CHST3: variants seen among roughly 807,000 people sequenced by gnomAD.
CHST3 encodes the protein C6ST-1.
A neutral mutation model predicts 35.4 loss-of-function variants in CHST3; 20 were observed. The ratio of observed to expected loss-of-function variants is 0.57; its 90% confidence interval spans 0.40 to 0.82. CHST3 has a LOEUF of 0.82. CHST3 is among the 40% of genes least tolerant of loss of function. The probability of loss-of-function intolerance (pLI) is 0.00; values close to 1 mark genes in which losing one functional copy is unlikely to be tolerated. For synonymous variants in CHST3, 334 were observed against 295.9 expected (o/e 1.13, Z -1.32); for missense variants, 693 against 670.1 (o/e 1.03, Z -0.38).
At chr10:71,978,258 C>T (rs534943616) in intron 1 of CHST3, among the ~76,000 whole-genome samples, 3 of 152,068 alleles carry the variant, frequency 2.0e-5, no homozygotes, top group African/African-American at 4.8e-5. Flanking sequence ...TCCAGCTACT[C>T]GGGAGGCTGA....
intron 1 of CHST3, among the ~76,000 whole-genome samples, chr10:71,969,008 G>A (rs968707087): frequency 1.3e-4 from 17 of 134,580 alleles, no homozygotes; most frequent in Admixed American, 9.2e-4. Context: ...ATTACCTGGG[G>A]AAATCAGCCT....
In CHST3 at chr10:72,007,489, A is replaced by G; in HGVS notation, c.458A>G (p.Asn153Ser). 1.2e-6 allele frequency: 2 copies of G among 1,602,340 alleles called. No homozygotes were observed. Among genetic ancestry groups the G allele is most frequent in the Non-Finnish European group, 1.7e-6 (2 of 1,179,770 alleles). ...TGSSFVGEFF[N>S]QQGNIFYLFE... ...TCCTCGTTCGTGGGCGAGTTCTTCA[A>G]CCAGCAGGGCAACATCTTCTACCTC... Residue 153 changes from asparagine to serine, a missense_variant, in exon 3 of 3, where the codon AAC becomes AGC. Physicochemically the swap from Asn to Ser is conservative, Grantham distance 46. Transcript: ENST00000373115.
chr10:71,997,681 A>ATTT (rs1564529673), intron 1 of CHST3, among the ~76,000 whole-genome samples: 23 of 124,182 alleles, frequency 1.9e-4, no homozygotes, highest in Admixed American at 8.9e-4. Context: ...TGTCTCCATA[A>ATTT]ATTTTTTTTT....
At chr10:71,981,457 T>C (rs1466318474) in intron 1 of CHST3, among the ~76,000 whole-genome samples, 1 of 152,216 alleles carries the variant, frequency 6.6e-6, no homozygotes, top group Non-Finnish European at 1.5e-5. Context: ...CACAGAGCAC[T>C]TCTGTTCCAG....
rs2131776087 is a variant in CHST3, at chr10:72,008,073, A to C, written c.1042A>C (p.Ile348Leu). 1 of 1,546,040 alleles carries C rather than the reference A, an allele frequency of 6.5e-7. No homozygotes were observed. The highest frequency in any genetic ancestry group is 2.0e-5 in the Admixed American group (1 of 50,858). Residue 348 changes from isoleucine (I) to leucine (L), a missense_variant, in exon 3 of 3, where the codon ATC becomes CTC. Ile to Leu is a conservative substitution (Grantham distance 5). Coordinates refer to ENST00000373115, the MANE Select transcript of CHST3 (RefSeq NM_004273.5). ...GCGGCTGCGGGGCAACTGCGAGAGC[A>C]TCCGCCTGTCCGCGGAGCTGGGGCT... ...VQRLRGNCES[I>L]RLSAELGLRQ...
intron 1 of CHST3, among the ~76,000 whole-genome samples, chr10:72,003,719 G>T (rs1445542768): frequency 6.8e-6 from 1 of 148,028 alleles, no homozygotes; most frequent in Non-Finnish European, 1.5e-5. Context: ...AAAAAAAAAG[G>T]GAATAGACTC....
intron 1 of CHST3, among the ~76,000 whole-genome samples, chr10:72,001,319 G>A (rs1240018392): frequency 6.6e-6 from 1 of 152,236 alleles, no homozygotes; most frequent in Admixed American, 6.5e-5. Flanking sequence ...CCCTCAAGCA[G>A]AGCTGACCTG....
chr10:71,971,093 C>T (rs557857188), intron 1 of CHST3, among the ~76,000 whole-genome samples: 56 of 152,232 alleles, frequency 3.7e-4, no homozygotes, highest in African/African-American at 1.3e-3. Context: ...ACCAGGCACC[C>T]GGTTAGAAGG....
At chr10:71,989,977 T>C (rs1839882839) in intron 1 of CHST3, among the ~76,000 whole-genome samples, 2 of 152,266 alleles carry the variant, frequency 1.3e-5, no homozygotes. Flanking sequence ...GCTAACAAGT[T>C]GCTGTTTTTT....
At chr10:71,989,842 C>T (rs1240186254) in intron 1 of CHST3, among the ~76,000 whole-genome samples, 2 of 152,220 alleles carry the variant, frequency 1.3e-5, no homozygotes, top group Admixed American at 6.5e-5. Context: ...TAGCATGCCA[C>T]GCATACTCTT....
At position 72,010,184 on chromosome 10, in the gene CHST3, G is replaced by A. The variant is rs890588228; in HGVS notation, c.*1713G>A. 2.0e-5 allele frequency: 3 copies of A among 152,242 alleles called. No homozygotes were observed. Among genetic ancestry groups the A allele is most frequent in the African/African-American group, 7.2e-5 (3 of 41,446 alleles). 9.4% of individuals were successfully genotyped at this position (152,242 alleles called of 1,614,324 possible). A position where few individuals can be genotyped will look rare whatever the true frequency, so the allele number is the denominator to read the frequency against. The stretch of plus-strand genomic sequence containing the variant: ...TAACATGTTTCCTGGGTGGGCAGGG[G>A]CCTCATGACAAGCGACAAGTGTACC... On this transcript the variant is annotated 3_prime_UTR_variant, in exon 3 of 3. Transcript: ENST00000373115.
At chr10:71,976,333 C>T (rs1359626190) in intron 1 of CHST3, among the ~76,000 whole-genome samples, 1 of 152,196 alleles carries the variant, frequency 6.6e-6, no homozygotes, top group Non-Finnish European at 1.5e-5. Flanking sequence ...TCTCAGTGGG[C>T]AGGTGCTGTG....
chr10:71,971,827 T>G (rs4148918), intron 1 of CHST3, among the ~76,000 whole-genome samples: 21,551 of 152,030 alleles, frequency 0.14, 1,615 homozygotes, highest in African/African-American at 0.19. Context: ...GTCCTGCAGG[T>G]TTGATGTGTC....
chr10:71,989,613 C>T (rs919583468), intron 1 of CHST3, among the ~76,000 whole-genome samples: 1 of 152,132 alleles, frequency 6.6e-6, no homozygotes, highest in African/African-American at 2.4e-5. Context: ...GACACAACTC[C>T]ATATGCTTTT....
chr10:71,973,855 CAG>C (rs571867638), intron 1 of CHST3, among the ~76,000 whole-genome samples: 129 of 152,310 alleles, frequency 8.5e-4, no homozygotes, highest in African/African-American at 2.8e-3. Context: ...CGATTGAAGA[CAG>C]GGACTGGTGA....
intron 1 of CHST3, among the ~76,000 whole-genome samples, chr10:72,004,341 G>T (rs1020443354): frequency 2.0e-5 from 3 of 152,096 alleles, no homozygotes; most frequent in African/African-American, 7.2e-5. Flanking sequence ...TTGAACAATT[G>T]TTGCTTTATG....
rs1840060033 is a variant in CHST3, at chr10:72,007,826, C to G, written c.795C>G (p.Arg265=). 2.5e-6 allele frequency: 4 copies of G among 1,604,128 alleles called. No individual in the cohort carries two copies. The highest frequency in any genetic ancestry group is 3.4e-6 in the Non-Finnish European group (4 of 1,179,484). ...LNVTLAAEAC[R]RKEHMALKAV... Reference sequence around the variant, plus strand: ...TGACGCTGGCCGCAGAGGCCTGCCGCCGCAAGGAGCACATGGCCCTCAAGG... The same window carrying G: ...TGACGCTGGCCGCAGAGGCCTGCCGGCGCAAGGAGCACATGGCCCTCAAGG... Residue 265 remains arginine (R), a synonymous_variant, in exon 3 of 3, where the codon CGC becomes CGG. Coordinates refer to ENST00000373115, the MANE Select transcript of CHST3 (RefSeq NM_004273.5).
intron 1 of CHST3, among the ~76,000 whole-genome samples, chr10:71,995,517 G>A (rs192127952): frequency 7.2e-5 from 11 of 152,032 alleles, no homozygotes; most frequent in Non-Finnish European, 8.8e-5. Flanking sequence ...CTGGCTTTCA[G>A]CATTCCTGCC....
At chr10:72,004,146 C>T (rs1304646067) in intron 1 of CHST3, among the ~76,000 whole-genome samples, 2 of 152,052 alleles carry the variant, frequency 1.3e-5, no homozygotes, top group Non-Finnish European at 2.9e-5. Context: ...CCAGCCTGGA[C>T]GACAGAGCGA....
Sources: allele counts gnomAD v4.1 joint callset (sites outside exome capture counted in the v4.1 genomes callset), GRCh38; gene constraint gnomAD v4.1.1; transcripts MANE v1.5; gene names NCBI Gene and HGNC (gene_info 2026-07-23, HGNC 2026-07-21).